LRRC7: variants seen among roughly 807,000 people sequenced by gnomAD.
LRRC7 encodes the protein leucine-rich repeat-containing protein 7.
Under a neutral mutation model 175.7 loss-of-function variants are expected in LRRC7, and 23 were observed. The ratio of observed to expected loss-of-function variants is 0.13; its 90% CI spans 0.09 to 0.19. The LOEUF is 0.19. Among genes scored for constraint, LRRC7 ranks in the 10% least tolerant of loss-of-function variants. LRRC7 has a pLI of 1.00. For missense variants in LRRC7, 1,354 were observed against 1,904.7 expected (o/e 0.71, Z 5.38); for synonymous variants, 685 against 680.9 (o/e 1.01, Z -0.09).
chr1:69,706,785 T>C (rs1664088309), intron 2 of LRRC7, among the ~76,000 whole-genome samples: 2 of 152,208 alleles, frequency 1.3e-5, no homozygotes, highest in African/African-American at 4.8e-5. Context: ...ATTGGAATTC[T>C]GTCCCCACCA....
intron 4 of LRRC7, among the ~76,000 whole-genome samples, chr1:69,823,281 T>C (rs1679512840): frequency 6.6e-6 from 1 of 152,212 alleles, no homozygotes; most frequent in Non-Finnish European, 1.5e-5. Context: ...ATTACTCAGA[T>C]ACTAAAATGT....
chr1:70,076,267 G>T lies in LRRC7; in HGVS notation c.4421G>T (p.Gly1474Val). The change falls in exon 24 of 27, where the codon GGG becomes GTG. Residue 1474 changes from glycine (G) to valine (V), a missense_variant. This residue lies in a region of LRRC7 where 1,032 missense variants were observed against 1,227.2 expected (regional missense o/e 0.84). Coordinates refer to ENST00000651989, the MANE Select transcript of LRRC7 (RefSeq NM_001370785.2). ...GGACGGTGCTTAATTCAAACTAAAG[G>T]GCAAAGGAGTATGGATGGATATCCA... is the stretch of plus-strand genomic sequence containing the variant. ...QPGRCLIQTKGQRSMDGYPEQ... is the reference protein window; with the variant it reads ...QPGRCLIQTKVQRSMDGYPEQ... 6.2e-7 allele frequency: 1 copy of T among 1,614,028 alleles called. No individual in the cohort carries two copies. The highest frequency in any genetic ancestry group is 8.5e-7 in the Non-Finnish European group (1 of 1,179,958).
chr1:69,945,090 C>T (rs549797871), intron 8 of LRRC7, among the ~76,000 whole-genome samples: 1 of 152,132 alleles, frequency 6.6e-6, no homozygotes, highest in African/African-American at 2.4e-5. Context: ...AAGAACAACG[C>T]CAAGAAACTT....
intron 7 of LRRC7, among the ~76,000 whole-genome samples, chr1:69,850,413 C>T (rs1414432969): frequency 1.3e-5 from 2 of 152,062 alleles, no homozygotes; most frequent in Non-Finnish European, 1.5e-5. Context: ...ATGGAGACTT[C>T]GAGCAAAGGA....
At chr1:69,937,806 AG>A (rs1648203428) in intron 8 of LRRC7, among the ~76,000 whole-genome samples, 2 of 151,940 alleles carry the variant, frequency 1.3e-5, no homozygotes, top group Non-Finnish European at 2.9e-5. Flanking sequence ...TTCTTGAAAA[AG>A]CAGTCAATCA....
intron 7 of LRRC7, among the ~76,000 whole-genome samples, chr1:69,862,410 A>AT (rs1388013179): frequency 2.0e-5 from 3 of 152,148 alleles, no homozygotes; most frequent in Non-Finnish European, 4.4e-5. Flanking sequence ...AAAACTGAGT[A>AT]TTTTCACTGA....
In LRRC7 at chr1:70,122,297, G is replaced by A. The variant is rs1018009753; in HGVS notation, c.*410G>A. On this transcript the variant is annotated 3_prime_UTR_variant, in exon 27 of 27. Coordinates refer to ENST00000651989, the MANE Select transcript of LRRC7 (RefSeq NM_001370785.2). The stretch of plus-strand genomic sequence containing the variant: ...ATAGAAAATACAAATATAAAGAATT[G>A]TAATTCCCATAAAATATTTCTAGCA... 1.3e-5 allele frequency: 2 copies of A among 153,492 alleles called. No individual in the cohort carries two copies. Among genetic ancestry groups the A allele is most frequent in the African/African-American group, 4.8e-5 (2 of 41,416 alleles). 9.5% of individuals were successfully genotyped at this position (153,492 alleles called of 1,614,324 possible).
intron 8 of LRRC7, among the ~76,000 whole-genome samples, chr1:69,977,484 T>C (rs891752358): frequency 1.3e-5 from 2 of 152,230 alleles, no homozygotes; most frequent in Non-Finnish European, 2.9e-5. Flanking sequence ...AATGAAGGGA[T>C]GAATAAATTA....
At chr1:69,781,965 A>G (rs1278753436) in intron 3 of LRRC7, among the ~76,000 whole-genome samples, 1 of 150,628 alleles carries the variant, frequency 6.6e-6, no homozygotes, top group Non-Finnish European at 1.5e-5. Flanking sequence ...AGAAAGAAAG[A>G]AAAAGAAAGA....
rs896831301 is a variant in LRRC7, at chr1:70,141,620, T to G, written c.*19733T>G. 1 of 152,078 alleles carries G rather than the reference T, an allele frequency of 6.6e-6. No homozygotes were observed. Among genetic ancestry groups the G allele is most frequent in the Non-Finnish European group, 1.5e-5 (1 of 68,006 alleles). 9.4% of individuals were successfully genotyped at this position (152,078 alleles called of 1,614,324 possible). A position where few individuals can be genotyped will look rare whatever the true frequency, so the allele number is the denominator to read the frequency against. On this transcript the variant is annotated 3_prime_UTR_variant, in exon 27 of 27. Coordinates refer to ENST00000651989, the MANE Select transcript of LRRC7 (RefSeq NM_001370785.2). ...TAAAATGTGGTTATCTCAGCTATAG[T>G]TAAGAAAATTATCAAATGTAAATGA...
intron 7 of LRRC7, among the ~76,000 whole-genome samples, chr1:69,927,677 C>T (rs1647129159): frequency 6.6e-6 from 1 of 152,164 alleles, no homozygotes; most frequent in African/African-American, 2.4e-5. Context: ...TTAAGGACTT[C>T]TCTGTATTGG....
chr1:69,999,814 C>A (rs925434616), intron 11 of LRRC7, among the ~76,000 whole-genome samples: 5 of 151,990 alleles, frequency 3.3e-5, no homozygotes, highest in African/African-American at 1.2e-4. Flanking sequence ...TTTTTGAAAT[C>A]ATCTGAAGTA....
chr1:69,773,880 A>C (rs572047929), intron 3 of LRRC7, among the ~76,000 whole-genome samples: 1 of 152,188 alleles, frequency 6.6e-6, no homozygotes, highest in Non-Finnish European at 1.5e-5. Context: ...AGAGCTGGGC[A>C]TGGTGGATTG....
At chr1:70,118,063 G>GCA (rs71583108) in intron 26 of LRRC7, among the ~76,000 whole-genome samples, 4,238 of 146,806 alleles carry the variant, frequency 0.029, 131 homozygotes, top group African/African-American at 0.076. Flanking sequence ...CTTCTTCTAT[G>GCA]CACACACACA....
intron 1 of LRRC7, among the ~76,000 whole-genome samples, chr1:69,583,435 T>C (rs1646277795): frequency 6.6e-6 from 1 of 152,122 alleles, no homozygotes; most frequent in South Asian, 2.1e-4. Flanking sequence ...GTTGGACTCC[T>C]ACTTTCAAGG....
intron 2 of LRRC7, among the ~76,000 whole-genome samples, chr1:69,688,342 T>G (rs1425085595): frequency 6.6e-6 from 1 of 152,190 alleles, no homozygotes; most frequent in Admixed American, 6.5e-5. Context: ...CAGTTCCTTT[T>G]TTGTAAGCCA....
chr1:69,740,398 C>T lies in LRRC7; in HGVS notation c.101-19793C>T, dbSNP rs149354009. 6.3e-3 allele frequency among the ~76,000 whole-genome samples: 965 copies of T among 152,086 alleles called. 32 individuals are homozygous for T. In the East Asian group the frequency reaches 0.066, roughly 10 times the overall value. On this transcript the variant is annotated intron_variant, in intron 2 of 26. Transcript: ENST00000651989. ...GGACACCCACCCTTTCATATTGGGG[C>T]CTCAACTTTGTGACCTCTCTAAAGG...
At chr1:69,831,371 A>G (rs1158293678) in intron 5 of LRRC7, among the ~76,000 whole-genome samples, 1 of 152,016 alleles carries the variant, frequency 6.6e-6, no homozygotes, top group African/African-American at 2.4e-5. Context: ...TCAGGACATG[A>G]GCTCTAATGC....
chr1:69,841,559 C>T (rs570279490), intron 7 of LRRC7, among the ~76,000 whole-genome samples: 4 of 152,032 alleles, frequency 2.6e-5, no homozygotes, highest in East Asian at 1.9e-4. Flanking sequence ...TGCAGAAGGC[C>T]GATGCACACA....
Sources: gnomAD v4.1 joint callset for allele counts (sites outside exome capture counted in the v4.1 genomes callset) on GRCh38, gnomAD v4.1.1 for gene constraint, gnomAD v4.1.1 regional missense constraint, MANE v1.5 for transcripts, NCBI Gene and HGNC (gene_info 2026-07-23, HGNC 2026-07-21) for gene names.